The following PLEC variants were observed in gnomAD, a reference collection of about 807,000 sequenced individuals.
PLEC encodes plectin.
PLEC carries 216 observed loss-of-function variants against 392.8 expected under a neutral mutation model. The observed-to-expected ratio is 0.55, with a 90% CI of 0.49 to 0.62. The LOEUF (loss-of-function observed/expected upper bound fraction) is 0.62, where lower values mean the gene tolerates loss of function less well. PLEC is among the 20% of genes least tolerant of loss of function. The pLI is 0.00. For missense variants in PLEC, 6,863 were observed against 6,563.4 expected (o/e 1.05, Z -1.58); for synonymous variants, 3,621 against 2,980.6 (o/e 1.21, Z -7.00).
chr8:143,961,221 C>T (rs1464365825), intron 1 of PLEC, among the ~76,000 whole-genome samples: 2 of 147,356 alleles, frequency 1.4e-5, no homozygotes, highest in African/African-American at 4.9e-5. Context: ...CCACTTGACC[C>T]AGAAATTCCT....
At position 143,933,254 on chromosome 8, in the gene PLEC, T is replaced by C. The variant is rs781981346; in HGVS notation, c.1361A>G (p.Asn454Ser). 3.3e-5 allele frequency: 53 copies of C among 1,613,024 alleles called. 3 individuals carry two copies. The South Asian group carries it at 5.5e-4, about 17-fold the overall frequency. Residue 454 changes from asparagine to serine, a missense_variant, in exon 13 of 32, where the codon AAC (asparagine) becomes AGC (serine). Transcript: ENST00000345136. Reference protein sequence around the residue: ...KADSMIRLLFNDVQTLKDGRH... With the variant: ...KADSMIRLLFSDVQTLKDGRH... ...TCCATCCTTGAGGGTCTGCACGTCGTTGAAGAGCAGCCGGATCATGCTATC... is the reference window on the plus strand; with the variant it reads ...TCCATCCTTGAGGGTCTGCACGTCGCTGAAGAGCAGCCGGATCATGCTATC...
At chr8:143,975,652 G>A (rs1833636209), upstream of PLEC, among the ~76,000 whole-genome samples, 1 of 150,868 alleles carries the variant, frequency 6.6e-6, no homozygotes, top group Admixed American at 6.6e-5. This position sits in a 1 kb window ranked among gnomAD's most constrained non-coding sequence, Gnocchi z 9.9. Flanking sequence ...CCAGCCACTG[G>A]CCTTACCCTC....
In PLEC at chr8:143,922,500, G is replaced by A; in HGVS notation, c.7425+4C>T. ...CCGCCCGTCGCACGTAGAGGGGGCG[G>A]TACCTCCTCAGACTTGAGCTGCAGC... On this transcript the variant is annotated splice_donor_region_variant and intron_variant, in intron 31 of 31. Transcript: ENST00000345136. The A allele has an allele frequency of 6.2e-7, 1 of 1,607,674 alleles. No homozygotes were observed. The highest frequency in any genetic ancestry group is 8.5e-7 in the Non-Finnish European group (1 of 1,179,980).
intron 1 of PLEC, chr8:143,946,330 C>T (rs1485231944): frequency 7.8e-7 from 1 of 1,288,234 alleles, no homozygotes; most frequent in African/African-American, 1.5e-5. Flanking sequence ...TCCCACAGCC[C>T]CCAGCTCTGC....
rs781895366 is a variant in PLEC at position 143,935,833 on chromosome 8, C to G, written c.602+15G>C. The G allele has an allele frequency of 1.9e-6, 3 of 1,612,398 alleles. No homozygotes were observed. The highest frequency in any genetic ancestry group is 2.5e-6 in the Non-Finnish European group (3 of 1,179,860). ...TGCCCCCAGCCCACAGCCCCCTGCC[C>G]CCGGGGCCATGTACTTGTGCCGGTG... On this transcript the variant is annotated intron_variant, in intron 6 of 31. Coordinates refer to ENST00000345136, the MANE Select transcript of PLEC (RefSeq NM_201384.3).
chr8:143,924,435 C>G lies in PLEC; in HGVS notation c.5494G>C (p.Glu1832Gln), dbSNP rs1401586689. 4 of 1,573,422 alleles carry G rather than the reference C, an allele frequency of 2.5e-6. No individual in the cohort carries two copies. Among genetic ancestry groups the G allele is most frequent in the Non-Finnish European group, 3.4e-6 (4 of 1,168,440 alleles). Reference sequence around the variant, plus strand: ...GCCAGCTTCTCCGCAAGCACCCGCTCCGCCTCGGCCCGCTGCCGCGCCGCG... The same window carrying G: ...GCCAGCTTCTCCGCAAGCACCCGCTGCGCCTCGGCCCGCTGCCGCGCCGCG... Reference protein sequence around the residue: ...EDAARQRAEAERVLAEKLAAI... With the variant: ...EDAARQRAEAQRVLAEKLAAI... The change falls in exon 31 of 32, where the codon GAG becomes CAG. Residue 1832 changes from glutamate (E) to glutamine (Q), a missense_variant. Coordinates refer to ENST00000345136, the MANE Select transcript of PLEC (RefSeq NM_201384.3).
chr8:143,918,429 G>C lies in PLEC; in HGVS notation c.11392C>G (p.Arg3798Gly), dbSNP rs782111846. 17 of 1,577,248 alleles carry C rather than the reference G, an allele frequency of 1.1e-5. No individual in the cohort carries two copies. Among genetic ancestry groups the C allele is most frequent in the Non-Finnish European group, 1.5e-5 (17 of 1,164,732 alleles). The change falls in exon 32 of 32, where the codon CGG (arginine) becomes GGG (glycine). Residue 3798 changes from arginine (R) to glycine (G), a missense_variant. Coordinates refer to ENST00000345136, the MANE Select transcript of PLEC (RefSeq NM_201384.3). ...GTGGCCAGCTGGGCATCCAGCAGCC[G>C]CAGGGCCTCCTCAGTAGGGATCAGC... Reference protein sequence around the residue: ...KELIPTEEALRLLDAQLATGG... With the variant: ...KELIPTEEALGLLDAQLATGG...
In PLEC at chr8:143,919,629, G is replaced by A. The variant is rs1437210022; in HGVS notation, c.10192C>T (p.Leu3398=). Residue 3398 remains leucine, a synonymous_variant, in exon 32 of 32, where the codon CTG becomes TTG. Transcript: ENST00000345136. ...CGCTGGTTCCGCACGGGGTCCACCAGGAAGCCAGTGGCCGCCTGCGCCTCC... is the reference window on the plus strand; with the variant it reads ...CGCTGGTTCCGCACGGGGTCCACCAAGAAGCCAGTGGCCGCCTGCGCCTCC... The part of the protein sequence containing the change: ...LLEAQAATGF[L]VDPVRNQRLY... The A allele has an allele frequency of 1.3e-6, 2 of 1,584,072 alleles. No homozygotes were observed. Among genetic ancestry groups the A allele is most frequent in the African/African-American group, 1.3e-5 (1 of 74,168 alleles).
intron 6 of PLEC, 102 bp from the exon 7 acceptor site, chr8:143,935,415 G>T: frequency 1.2e-6 from 1 of 800,320 alleles, no homozygotes; most frequent in East Asian, 2.6e-5. Flanking sequence ...CAGCAACCAT[G>T]GACCCCCCCA....
At chr8:143,957,406 C>G (rs1190128882), upstream of PLEC, among the ~76,000 whole-genome samples, 1 of 152,208 alleles carries the variant, frequency 6.6e-6, no homozygotes, top group Non-Finnish European at 1.5e-5. Context: ...AAACCCCTAC[C>G]TCTAGCTTCT....
At chr8:143,929,324 GCA>G (rs1386065509) in intron 24 of PLEC, 43 bp from the exon 25 acceptor site, 2 of 1,582,580 alleles carry the variant, frequency 1.3e-6, no homozygotes, top group African/African-American at 1.3e-5. Flanking sequence ...ACCGAGCGCA[GCA>G]CACAGCGCCC....
chr8:143,933,389 C>A (rs782253833), intron 12 of PLEC, 38 bp from the exon 13 acceptor site: 7 of 1,602,860 alleles, frequency 4.4e-6, no homozygotes, highest in African/African-American at 1.3e-5. Flanking sequence ...CACAGCTGAT[C>A]CCCCTCTGAC....
At position 143,917,827 on chromosome 8, in the gene PLEC, G is replaced by C. The variant is rs113137721; in HGVS notation, c.11994C>G (p.Pro3998=). The part of the protein sequence containing the change: ...EEAVRMGIVG[P]EFKDKLLSAE... ...CCGACAGCAGCTTGTCCTTGAACTC[G>C]GGGCCCACAATGCCCATACGCACAG... Residue 3998 remains proline, a synonymous_variant, in exon 32 of 32, where the codon CCC becomes CCG. Coordinates refer to ENST00000345136, the MANE Select transcript of PLEC (RefSeq NM_201384.3). The C allele has an allele frequency of 1.2e-6, 2 of 1,613,386 alleles. No individual in the cohort carries two copies. The highest frequency in any genetic ancestry group is 2.2e-5 in the South Asian group (2 of 91,082).
intron 1 of PLEC, among the ~76,000 whole-genome samples, chr8:143,959,386 A>G (rs1832756821): frequency 6.6e-6 from 1 of 152,276 alleles, no homozygotes; most frequent in Non-Finnish European, 1.5e-5. Context: ...CTGGAATAAG[A>G]TAACTGACGA....
chr8:143,920,053 G>A lies in PLEC; in HGVS notation c.9768C>T (p.Leu3256=), dbSNP rs1036580920. The change falls in exon 32 of 32, where the codon CTC becomes CTT. Residue 3256 remains leucine, a synonymous_variant. Coordinates refer to ENST00000345136, the MANE Select transcript of PLEC (RefSeq NM_201384.3). ...FKGRTVTVWE[L]ISSEYFTAEQ... ...CCGCAGTGAAGTACTCAGAGCTGAT[G>A]AGCTCCCACACCGTCACCGTCCTGC... is the stretch of plus-strand genomic sequence containing the variant. 2.5e-6 allele frequency: 4 copies of A among 1,613,186 alleles called. No individual in the cohort carries two copies. Among genetic ancestry groups the A allele is most frequent in the South Asian group, 2.2e-5 (2 of 91,092 alleles).
rs1397274870 is a variant in PLEC at position 143,915,523 on chromosome 8, C to G, written c.*654G>C. ...CATGCCGGCTGGAACGTCCGCCTCC[C>G]CACTGGGTCTGGGTCCTCGGGGCCT... On this transcript the variant is annotated 3_prime_UTR_variant, in exon 32 of 32. Coordinates refer to ENST00000345136, the MANE Select transcript of PLEC (RefSeq NM_201384.3). The G allele has an allele frequency of 1.3e-5, 2 of 152,452 alleles. No individual in the cohort carries two copies. The highest frequency in any genetic ancestry group is 2.9e-5 in the Non-Finnish European group (2 of 68,084). 9.4% of individuals were successfully genotyped at this position (152,452 alleles called of 1,614,324 possible). A position where few individuals can be genotyped will look rare whatever the true frequency, so the allele number is the denominator to read the frequency against.
Position 143,923,871 on chromosome 8 carries a change from C to T in PLEC, c.6058G>A (p.Glu2020Lys). The change falls in exon 31 of 32, where the codon GAG becomes AAG. Residue 2020 changes from glutamate to lysine, a missense_variant. Transcript: ENST00000345136. Reference sequence around the variant, plus strand: ...GCTCGCTCCCGCAGGCGCCGCGCCTCCTCCACCTTGGCTTTCAGCCGCTCG... The same window carrying T: ...GCTCGCTCCCGCAGGCGCCGCGCCTTCTCCACCTTGGCTTTCAGCCGCTCG... ...EVERLKAKVEEARRLRERAEQ... is the reference protein window; with the variant it reads ...EVERLKAKVEKARRLRERAEQ... 2 of 1,594,448 alleles carry T rather than the reference C, an allele frequency of 1.3e-6. No homozygotes were observed. The highest frequency in any genetic ancestry group is 1.7e-6 in the Non-Finnish European group (2 of 1,177,888).
upstream of PLEC, among the ~76,000 whole-genome samples, chr8:143,954,182 G>C (rs76584026): frequency 4.7e-3 from 663 of 141,454 alleles, 6 homozygotes; most frequent in African/African-American, 0.017. This position sits in a 1 kb window ranked among gnomAD's most constrained non-coding sequence, Gnocchi z 4.6. Flanking sequence ...GCCGTTACCC[G>C]CGCCCTGCAG....
intron 22 of PLEC, 24 bp downstream of exon 22, chr8:143,929,911 GC>G (rs782121534): frequency 1.9e-6 from 3 of 1,606,590 alleles, no homozygotes; most frequent in South Asian, 2.2e-5. Context: ...CACCCAGAGA[GC>G]CCCCGGCTCG....
Sources: gnomAD v4.1 joint callset for allele counts (sites outside exome capture counted in the v4.1 genomes callset) on GRCh38, gnomAD v4.1.1 for gene constraint, Gnocchi (gnomAD v3.1) non-coding constraint, MANE v1.5 for transcripts, NCBI Gene and HGNC (gene_info 2026-07-23, HGNC 2026-07-21) for gene names.